The following S100A6 variants were observed in gnomAD, a reference collection of about 807,000 sequenced individuals.
The protein encoded by S100A6 is S100 calcium binding protein A6, also known as protein S100-A6.
In S100A6, 3 loss-of-function variants were observed where a neutral mutation model predicts 3.5. That is an observed-to-expected ratio of 0.87 (90% CI 0.39 to 2.24). The LOEUF (loss-of-function observed/expected upper bound fraction) is 2.24. Among genes scored for constraint, S100A6 ranks in the 30% most tolerant of loss-of-function variants. S100A6 has a pLI of 0.05. For synonymous variants in S100A6, 48 were observed against 45.2 expected, an observed-to-expected ratio of 1.06 and a Z score of -0.25; for missense variants, 114 against 105.3, an observed-to-expected ratio of 1.08 and a Z score of -0.36.
At chr1:153,534,976 T>A in intron 2 of S100A6, 146 bp from the exon 3 acceptor site, 1 of 1,170,700 alleles carries the variant, frequency 8.5e-7, no homozygotes, top group Non-Finnish European at 1.2e-6. Flanking sequence ...TTGCTTCTCC[T>A]CAGCTACTTC....
Position 153,534,696 on chromosome 1 carries a change from T to C in S100A6, c.273A>G (p.Ter91TrpextTer2), listed in dbSNP as rs1665131162. 6.2e-7 allele frequency: 1 copy of C among 1,600,900 alleles called. No individual in the cohort carries two copies. The highest frequency in any genetic ancestry group is 1.3e-5 in the African/African-American group (1 of 74,200). ...GTGTCTCCATCTTCCCTATTTATTT[T>C]CAGCCCTTGAGGGCTTCATTGTAGA... Reference protein sequence around the residue: ...ALIYNEALKG* With the variant: ...ALIYNEALKGW The change falls in exon 3 of 3, where the codon TGA (stop) becomes TGG (tryptophan). Residue 91 changes from the stop codon to tryptophan (W), a stop_lost. Transcript: ENST00000368719.
In S100A6 at chr1:153,535,310, G is replaced by A; in HGVS notation, c.30C>T (p.Gly10=). 6.2e-7 allele frequency: 1 copy of A among 1,614,154 alleles called. No homozygotes were observed. The highest frequency in any genetic ancestry group is 8.5e-7 in the Non-Finnish European group (1 of 1,180,022). Residue 10 remains glycine (G), a synonymous_variant, in exon 2 of 3, where the codon GGC becomes GGT. Transcript: ENST00000368719. ...ACTTGTGGAAGATGGCCACGAGGAGGCCAATGGCCTGATCCAGGGGGCATG... is the reference window on the plus strand; with the variant it reads ...ACTTGTGGAAGATGGCCACGAGGAGACCAATGGCCTGATCCAGGGGGCATG... MACPLDQAI[G]LLVAIFHKYS...
At chr1:153,534,852 T>C (rs1222461058) in intron 2 of S100A6, 22 bp from the exon 3 acceptor site, 1 of 1,604,898 alleles carries the variant, frequency 6.2e-7, no homozygotes, top group Non-Finnish European at 8.5e-7. Context: ...GAATGTGAAA[T>C]CCATACTCAG....
Position 153,534,664 on chromosome 1 carries a change from C to T in S100A6, c.*32G>A, listed in dbSNP as rs760308658. ...ACTGGATTTGACTCAGAGAGGACCC[C>T]CAGAGGGTGTCTCCATCTTCCCTAT... On this transcript the variant is annotated 3_prime_UTR_variant, in exon 3 of 3. Coordinates refer to ENST00000368719, the MANE Select transcript of S100A6 (RefSeq NM_014624.4). 15 of 1,568,192 alleles carry T rather than the reference C, an allele frequency of 9.6e-6. No individual in the cohort carries two copies. Among genetic ancestry groups the T allele is most frequent in the African/African-American group, 1.4e-5 (1 of 72,826 alleles).
At position 153,535,363 on chromosome 1, in the gene S100A6, G is replaced by A; in HGVS notation, c.-21-3C>T. The A allele has an allele frequency of 6.2e-7, 1 of 1,612,898 alleles. No individual in the cohort carries two copies. Among genetic ancestry groups the A allele is most frequent in the Non-Finnish European group, 8.5e-7 (1 of 1,179,660 alleles). On this transcript the variant is annotated splice_region_variant and splice_polypyrimidine_tract_variant and intron_variant, in intron 1 of 2. Coordinates refer to ENST00000368719, the MANE Select transcript of S100A6 (RefSeq NM_014624.4). Reference sequence around the variant, plus strand: ...ATGGCTGAGGGCTGGGCTTGGAGCTGGCAGCAGAGGGCCTAGTCAGTGCCA... The same window carrying A: ...ATGGCTGAGGGCTGGGCTTGGAGCTAGCAGCAGAGGGCCTAGTCAGTGCCA...
At chr1:153,535,650 G>C (rs1398242561) in intron 1 of S100A6, 1 of 290,222 alleles carries the variant, frequency 3.4e-6, no homozygotes, top group East Asian at 7.0e-5. Context: ...GGCTGGGCAG[G>C]GGAGGGGAAT....
intron 2 of S100A6, 183 bp downstream of exon 2, chr1:153,535,019 A>G (rs1352779002): frequency 9.1e-7 from 1 of 1,094,778 alleles, no homozygotes; most frequent in Non-Finnish European, 1.3e-6. Context: ...AGAGATGGAT[A>G]TCCGGCTGGA....
Position 153,535,358 on chromosome 1 carries a change from G to T in S100A6, c.-19C>A. The T allele has an allele frequency of 1.9e-6, 3 of 1,613,396 alleles. No homozygotes were observed. Among genetic ancestry groups the T allele is most frequent in the Non-Finnish European group, 2.5e-6 (3 of 1,179,784 alleles). On this transcript the variant is annotated splice_region_variant and 5_prime_UTR_variant, in exon 2 of 3. Transcript: ENST00000368719. ...ATGCCATGGCTGAGGGCTGGGCTTG[G>T]AGCTGGCAGCAGAGGGCCTAGTCAG...
Position 153,535,235 on chromosome 1 carries a change from C to T in S100A6, c.105G>A (p.Lys35=). ...DKHTLSKKEL[K]ELIQKELTIG... ...TGGTGAGCTCCTTCTGGATCAGCTC[C>T]TTCAGCTCCTTCTTGCTCAGGGTGT... The change falls in exon 2 of 3, where the codon AAG becomes AAA. Residue 35 remains lysine, a synonymous_variant. Transcript: ENST00000368719. 6.2e-7 allele frequency: 1 copy of T among 1,614,134 alleles called. No homozygotes were observed. Among genetic ancestry groups the T allele is most frequent in the Non-Finnish European group, 8.5e-7 (1 of 1,180,012 alleles).
chr1:153,535,075 A>C, intron 2 of S100A6, 127 bp downstream of exon 2: 1 of 1,355,920 alleles, frequency 7.4e-7, no homozygotes. Context: ...CTCAGGGTCT[A>C]CATGTGGACC....
intron 1 of S100A6, 165 bp from the exon 2 acceptor site, chr1:153,535,525 C>A: frequency 1.4e-6 from 1 of 701,656 alleles, no homozygotes; most frequent in Non-Finnish European, 2.3e-6. Context: ...AAGGAGAGAG[C>A]ACACTAGGGC....
At chr1:153,535,394 G>A in intron 1 of S100A6, 34 bp from the exon 2 acceptor site, 2 of 1,600,842 alleles carry the variant, frequency 1.2e-6, no homozygotes, top group South Asian at 2.2e-5. Context: ...TGCCATGGGA[G>A]CAAGGACTTC....
At position 153,534,750 on chromosome 1, in the gene S100A6, A is replaced by G. The variant is rs1665133849; in HGVS notation, c.219T>C (p.Tyr73=). The G allele has an allele frequency of 1.8e-5, 29 of 1,614,004 alleles. No homozygotes were observed. Among genetic ancestry groups the G allele is most frequent in the Non-Finnish European group, 2.5e-5 (29 of 1,179,950 alleles). The change falls in exon 3 of 3, where the codon TAT becomes TAC. Residue 73 remains tyrosine (Y), a synonymous_variant. Transcript: ENST00000368719. ...NKDQEVNFQE[Y]VTFLGALALI... ...AAGCCAAGGCCCCCAGGAAGGTGAC[A>G]TACTCCTGGAAGTTCACCTCCTGGT...
At position 153,534,759 on chromosome 1, in the gene S100A6, G is replaced by C. The variant is rs1387114059; in HGVS notation, c.210C>G (p.Phe70Leu). 3 of 1,614,064 alleles carry C rather than the reference G, an allele frequency of 1.9e-6. No individual in the cohort carries two copies. The highest frequency in any genetic ancestry group is 4.5e-5 in the East Asian group (2 of 44,874). The change falls in exon 3 of 3, where the codon TTC becomes TTG. Residue 70 changes from phenylalanine to leucine, a missense_variant. Physicochemically the swap from Phe to Leu is conservative, Grantham distance 22. Coordinates refer to ENST00000368719, the MANE Select transcript of S100A6 (RefSeq NM_014624.4). ...LDRNKDQEVN[F>L]QEYVTFLGAL... ...CCCCCAGGAAGGTGACATACTCCTG[G>C]AAGTTCACCTCCTGGTCCTTGTTCC...
Position 153,534,648 on chromosome 1 carries a change from G to T in S100A6, c.*48C>A. On this transcript the variant is annotated 3_prime_UTR_variant, in exon 3 of 3. Coordinates refer to ENST00000368719, the MANE Select transcript of S100A6 (RefSeq NM_014624.4). ...TGTACAATTACCCACCACTGGATTTGACTCAGAGAGGACCCCCAGAGGGTG... is the reference window on the plus strand; with the variant it reads ...TGTACAATTACCCACCACTGGATTTTACTCAGAGAGGACCCCCAGAGGGTG... 1 of 1,518,650 alleles carries T rather than the reference G, an allele frequency of 6.6e-7. No individual in the cohort carries two copies. Among genetic ancestry groups the T allele is most frequent in the South Asian group, 1.3e-5 (1 of 78,244 alleles). The allele number at this position is 1,518,650 out of a possible 1,614,324, so 94.1% of individuals were successfully genotyped here. A position where few individuals can be genotyped will look rare whatever the true frequency, so the allele number is the denominator to read the frequency against.
rs1288632692 is a variant in S100A6, at chr1:153,534,747, G to A, written c.222C>T (p.Val74=). 2 of 1,613,854 alleles carry A rather than the reference G, an allele frequency of 1.2e-6. No homozygotes were observed. Among genetic ancestry groups the A allele is most frequent in the African/African-American group, 1.3e-5 (1 of 74,910 alleles). Residue 74 remains valine, a synonymous_variant, in exon 3 of 3, where the codon GTC becomes GTT. Transcript: ENST00000368719. ...TCAAAGCCAAGGCCCCCAGGAAGGT[G>A]ACATACTCCTGGAAGTTCACCTCCT... The part of the protein sequence containing the change: ...KDQEVNFQEY[V]TFLGALALIY...
chr1:153,534,719 A>G lies in S100A6; in HGVS notation c.250T>C (p.Tyr84His). Reference protein sequence around the residue: ...VTFLGALALIYNEALKG With the variant: ...VTFLGALALIHNEALKG The stretch of plus-strand genomic sequence containing the variant: ...TTTCAGCCCTTGAGGGCTTCATTGT[A>G]GATCAAAGCCAAGGCCCCCAGGAAG... The change falls in exon 3 of 3, where the codon TAC (tyrosine) becomes CAC (histidine). Residue 84 changes from tyrosine (Y) to histidine (H), a missense_variant. Tyr to His is a moderately conservative substitution (Grantham distance 83). Transcript: ENST00000368719. The G allele has an allele frequency of 6.2e-7, 1 of 1,612,868 alleles. No homozygotes were observed. The highest frequency in any genetic ancestry group is 8.5e-7 in the Non-Finnish European group (1 of 1,179,432).
chr1:153,534,965 A>G (rs1665139458), intron 2 of S100A6, 135 bp from the exon 3 acceptor site: 1 of 1,242,388 alleles, frequency 8.0e-7, no homozygotes. Flanking sequence ...TCACTTTGGC[A>G]TTGCTTCTCC....
In S100A6 at chr1:153,534,670, G is replaced by C. The variant is rs1371081490; in HGVS notation, c.*26C>G. On this transcript the variant is annotated 3_prime_UTR_variant, in exon 3 of 3. Coordinates refer to ENST00000368719, the MANE Select transcript of S100A6 (RefSeq NM_014624.4). ...TTTGACTCAGAGAGGACCCCCAGAG[G>C]GTGTCTCCATCTTCCCTATTTATTT... 1 of 1,573,936 alleles carries C rather than the reference G, an allele frequency of 6.4e-7. No individual in the cohort carries two copies. Among genetic ancestry groups the C allele is most frequent in the Non-Finnish European group, 8.6e-7 (1 of 1,160,768 alleles).
Sources: gnomAD v4.1 joint callset for allele counts on GRCh38, gnomAD v4.1.1 for gene constraint, MANE v1.5 for transcripts, NCBI Gene and HGNC (gene_info 2026-07-23, HGNC 2026-07-21) for gene names.